The following BIRC6 variants were observed in gnomAD, a reference collection of about 807,000 sequenced individuals.
BIRC6 encodes dual E2 ubiquitin-conjugating enzyme/E3 ubiquitin-protein ligase BIRC6.
In BIRC6, 98 loss-of-function variants were observed where a neutral mutation model predicts 503.3. That is an observed-to-expected ratio of 0.19 (90% CI 0.17 to 0.23). The LOEUF (loss-of-function observed/expected upper bound fraction) is 0.23, where lower values mean the gene tolerates loss of function less well. Among genes scored for constraint, BIRC6 ranks in the 10% least tolerant of loss-of-function variants. The pLI is 1.00. For synonymous variants in BIRC6, 2,240 were observed against 2,078.7 expected, an observed-to-expected ratio of 1.08 and a Z score of -2.11; for missense variants, 5,360 against 5,806.0, an observed-to-expected ratio of 0.92 and a Z score of 2.50.
intron 8 of BIRC6, among the ~76,000 whole-genome samples, chr2:32,404,149 C>G (rs181407089): frequency 6.6e-6 from 1 of 151,768 alleles, no homozygotes; most frequent in Non-Finnish European, 1.5e-5. Flanking sequence ...AGGCTGTTCT[C>G]GAACTCCGGA....
chr2:32,593,718 G>C (rs536000878), intron 66 of BIRC6, among the ~76,000 whole-genome samples, 197 bp from the exon 67 acceptor site: 2 of 152,094 alleles, frequency 1.3e-5, no homozygotes, highest in Non-Finnish European at 2.9e-5. Flanking sequence ...TATAATGTCT[G>C]TCTCTTCTCT....
rs756797255 is a variant in BIRC6, at chr2:32,473,104, G to C, written c.6593-8G>C. The stretch of plus-strand genomic sequence containing the variant: ...GAATTATTAATACAAGTTTTCCTTC[G>C]CCTGTAGGTAATCAGTGGAGTTTTA... On this transcript the variant is annotated splice_polypyrimidine_tract_variant and splice_region_variant and intron_variant, in intron 32 of 73. Coordinates refer to ENST00000421745, the MANE Select transcript of BIRC6 (RefSeq NM_016252.4). 2.5e-5 allele frequency: 39 copies of C among 1,561,324 alleles called. No individual in the cohort carries two copies. The South Asian group carries it at 4.4e-4, about 18-fold the overall frequency.
rs532447833 is a variant in BIRC6 at position 32,597,507 on chromosome 2, T to C, written c.13613-244T>C. Reference sequence around the variant, plus strand: ...TTCTTGCATCTGTTAGATTGTTTTTTATAAAAGTTAAAGAAAATGTATCCC... The same window carrying C: ...TTCTTGCATCTGTTAGATTGTTTTTCATAAAAGTTAAAGAAAATGTATCCC... On this transcript the variant is annotated intron_variant, in intron 68 of 73. Transcript: ENST00000421745. Among the ~76,000 whole-genome samples the C allele has an allele frequency of 3.9e-5, 6 of 152,344 alleles. No individual in the cohort carries two copies. In the East Asian group the frequency reaches 1.2e-3, roughly 29 times the overall value.
intron 50 of BIRC6, among the ~76,000 whole-genome samples, chr2:32,506,070 A>G (rs1008564793): frequency 6.6e-6 from 1 of 151,984 alleles, no homozygotes; most frequent in Non-Finnish European, 1.5e-5. Flanking sequence ...GCTACTTTCA[A>G]ACTCCTGGGC....
At chr2:32,490,407 C>T (rs948352045) in intron 43 of BIRC6, among the ~76,000 whole-genome samples, 10 of 151,988 alleles carry the variant, frequency 6.6e-5, no homozygotes, top group Non-Finnish European at 1.5e-4. Context: ...AGTTAGTGGG[C>T]GCCTGTAGTC....
At chr2:32,385,657 G>A (rs1309036355) in intron 3 of BIRC6, among the ~76,000 whole-genome samples, 1 of 152,186 alleles carries the variant, frequency 6.6e-6, no homozygotes, top group African/African-American at 2.4e-5. Context: ...TGGACTTCTA[G>A]TGTCAGTGTC....
chr2:32,357,348 A>G lies in BIRC6; in HGVS notation c.187A>G (p.Met63Val). The G allele has an allele frequency of 6.5e-7, 1 of 1,544,816 alleles. No homozygotes were observed. The highest frequency in any genetic ancestry group is 8.7e-7 in the Non-Finnish European group (1 of 1,146,052). ...SEWLVLRDGC[M>V]HCDADGLHSL... Reference sequence around the variant, plus strand: ...GTGGCTGGTGCTGCGGGACGGCTGCATGCACTGCGACGCCGACGGGCTGCA... The same window carrying G: ...GTGGCTGGTGCTGCGGGACGGCTGCGTGCACTGCGACGCCGACGGGCTGCA... Residue 63 changes from methionine (M) to valine (V), a missense_variant, in exon 1 of 74, where the codon ATG (methionine) becomes GTG (valine). Physicochemically the swap from Met to Val is conservative, Grantham distance 21. Transcript: ENST00000421745. This position sits in a 1 kb window ranked among gnomAD's most constrained non-coding sequence, Gnocchi z 4.9.
chr2:32,594,069 CT>C lies in BIRC6; in HGVS notation c.13501+13del. The C allele has an allele frequency of 6.2e-7, 1 of 1,600,506 alleles. No individual in the cohort carries two copies. Among genetic ancestry groups the C allele is most frequent in the South Asian group, 1.1e-5 (1 of 87,646 alleles). On this transcript the variant is annotated intron_variant, in intron 67 of 73. Coordinates refer to ENST00000421745, the MANE Select transcript of BIRC6 (RefSeq NM_016252.4). ...GCGGCAAGCAAATCAGGGTACAAAA[CT>C]TTTCCTATTATGCCACTTTTCATTT... is the stretch of plus-strand genomic sequence containing the variant.
chr2:32,514,803 A>G (rs750927406), intron 54 of BIRC6, among the ~76,000 whole-genome samples, 187 bp from the exon 55 acceptor site: 6 of 152,068 alleles, frequency 3.9e-5, no homozygotes, highest in Non-Finnish European at 5.9e-5. Flanking sequence ...ACATTCTTCA[A>G]TTTTAAATAT....
chr2:32,496,489 G>T (rs2052490363), intron 45 of BIRC6, among the ~76,000 whole-genome samples: 1 of 152,130 alleles, frequency 6.6e-6, no homozygotes. Context: ...TTCCCAAATT[G>T]CTGGGTTTAC....
intron 2 of BIRC6, chr2:32,379,492 T>G (rs2037318682): frequency 6.6e-6 from 1 of 152,234 alleles, no homozygotes; most frequent in Admixed American, 6.5e-5. Context: ...CCACCTAGTT[T>G]ACTGTTAAAT....
Position 32,361,353 on chromosome 2 carries a change from T to G in BIRC6, c.325+3867T>G, listed in dbSNP as rs991126726. Among the ~76,000 whole-genome samples the G allele has an allele frequency of 3.5e-4, 54 of 152,192 alleles. 1 individual carries two copies. The highest frequency in any genetic ancestry group is 1.3e-3 in the African/African-American group (52 of 41,452). On this transcript the variant is annotated intron_variant, in intron 1 of 73. Coordinates refer to ENST00000421745, the MANE Select transcript of BIRC6 (RefSeq NM_016252.4). ...AACACATTCCTTGACTTTTTTTTTG[T>G]TTAAATATGTGTTTCTTTTTTAGAG...
In BIRC6 at chr2:32,618,303, G is replaced by A. The variant is rs1218127960; in HGVS notation, c.*399G>A. On this transcript the variant is annotated 3_prime_UTR_variant, in exon 74 of 74. Coordinates refer to ENST00000421745, the MANE Select transcript of BIRC6 (RefSeq NM_016252.4). The stretch of plus-strand genomic sequence containing the variant: ...GTCATTCTTACAACTACTATTTAAA[G>A]TCAGCAACTTTTCACTGAATTTGAT... The A allele has an allele frequency of 6.5e-6, 1 of 152,672 alleles. No individual in the cohort carries two copies. The highest frequency in any genetic ancestry group is 2.4e-5 in the African/African-American group (1 of 41,168). The allele number at this position is 152,672 out of a possible 1,614,324, so 9.5% of individuals were successfully genotyped here. A position where few individuals can be genotyped will look rare whatever the true frequency, so the allele number is the denominator to read the frequency against.
intron 6 of BIRC6, among the ~76,000 whole-genome samples, chr2:32,397,686 A>G (rs991412955): frequency 8.4e-6 from 1 of 119,168 alleles, no homozygotes; most frequent in Non-Finnish European, 1.8e-5. Flanking sequence ...ACACACACAT[A>G]TATATGTACA....
chr2:32,375,860 A>G (rs2036690869), intron 1 of BIRC6, among the ~76,000 whole-genome samples: 1 of 151,220 alleles, frequency 6.6e-6, no homozygotes, highest in South Asian at 2.1e-4. Context: ...AGTGTTATTC[A>G]GGGTTTATGG....
intron 65 of BIRC6, among the ~76,000 whole-genome samples, chr2:32,554,029 C>T (rs1442105227): frequency 2.6e-5 from 4 of 152,034 alleles, no homozygotes; most frequent in Non-Finnish European, 4.4e-5. Context: ...TATGGAGTTA[C>T]CCCTCTGGCC....
At chr2:32,473,411 A>G (rs965773953) in intron 33 of BIRC6, among the ~76,000 whole-genome samples, 172 bp downstream of exon 33, 4 of 152,216 alleles carry the variant, frequency 2.6e-5, no homozygotes, top group African/African-American at 4.8e-5. Flanking sequence ...AATGACGACA[A>G]TGTATAGTTT....
At chr2:32,593,028 G>A (rs1000111404) in intron 66 of BIRC6, among the ~76,000 whole-genome samples, 3 of 152,206 alleles carry the variant, frequency 2.0e-5, no homozygotes, top group Admixed American at 6.5e-5. Context: ...AAAAAAATAA[G>A]TGATGTATAG....
chr2:32,436,413 G>A (rs187183091), intron 15 of BIRC6, among the ~76,000 whole-genome samples: 28 of 152,188 alleles, frequency 1.8e-4, no homozygotes, highest in Admixed American at 5.2e-4. Flanking sequence ...TTGAAAAAAC[G>A]TTGAAGAAAT....
Sources: gnomAD v4.1 joint callset for allele counts (sites outside exome capture counted in the v4.1 genomes callset) on GRCh38, gnomAD v4.1.1 for gene constraint, Gnocchi (gnomAD v3.1) non-coding constraint, MANE v1.5 for transcripts, NCBI Gene and HGNC (gene_info 2026-07-23, HGNC 2026-07-21) for gene names.